MOB1A: variants seen among roughly 807,000 people sequenced by gnomAD.
MOB1A encodes the protein MOB1 Mps One Binder homolog A.
Under a neutral mutation model 25.1 loss-of-function variants are expected in MOB1A, and 10 were observed. The ratio of observed to expected loss-of-function variants is 0.40; its 90% CI spans 0.25 to 0.68. The LOEUF is 0.68. Ranked by LOEUF, MOB1A falls within the 30% of genes least tolerant of loss-of-function variation. The pLI, the probability that MOB1A is intolerant of heterozygous loss-of-function variation, is 0.40. For synonymous variants in MOB1A, 81 were observed against 79.5 expected (o/e 1.02, Z -0.10); for missense variants, 177 against 256.3 (o/e 0.69, Z 2.11).
chr2:74,159,297 A>G (rs756093638), intron 4 of MOB1A, 43 bp from the exon 5 acceptor site: 2 of 1,569,642 alleles, frequency 1.3e-6, no homozygotes, highest in South Asian at 2.2e-5. Flanking sequence ...TGGTTATCTA[A>G]CAGTAGAAAG....
chr2:74,172,560 C>T, intron 2 of MOB1A, 26 bp downstream of exon 2: 4 of 1,589,868 alleles, frequency 2.5e-6, no homozygotes, highest in Non-Finnish European at 3.4e-6. Context: ...TTCTAGAAAA[C>T]AGCAAAGTTA....
chr2:74,159,344 G>T, intron 4 of MOB1A, 90 bp from the exon 5 acceptor site: 1 of 1,174,712 alleles, frequency 8.5e-7, no homozygotes. Flanking sequence ...TTGTCACTCA[G>T]GCAGTGGTGC....
At chr2:74,164,930 G>C (rs1222771895) in intron 4 of MOB1A, 2 of 181,842 alleles carry the variant, frequency 1.1e-5, no homozygotes, top group East Asian at 2.6e-4. Context: ...ACACAAACAG[G>C]GCTGGGGGGA....
rs1350407818 is a variant in MOB1A at position 74,178,704 on chromosome 2, C to A, written c.-30G>T. 7.8e-7 allele frequency: 1 copy of A among 1,280,044 alleles called. No individual in the cohort carries two copies. Among genetic ancestry groups the A allele is most frequent in the East Asian group, 3.1e-5 (1 of 32,318 alleles). The allele number at this position is 1,280,044 out of a possible 1,614,324, so 79.3% of individuals were successfully genotyped here. ...GGTCCTCAGAGGGGAGGCGAGGGGC[C>A]CCTGGCCCCCGCCTGGATCAGGATT... is the stretch of plus-strand genomic sequence containing the variant. On this transcript the variant is annotated 5_prime_UTR_variant, in exon 1 of 6. Transcript: ENST00000396049.
chr2:74,170,412 C>G (rs1187407279), intron 2 of MOB1A, among the ~76,000 whole-genome samples: 2 of 152,098 alleles, frequency 1.3e-5, no homozygotes, highest in Non-Finnish European at 2.9e-5. Flanking sequence ...GCTGGGATTA[C>G]AGGCGTGAGC....
chr2:74,172,863 C>T lies in MOB1A; in HGVS notation c.15-111G>A, dbSNP rs1027059616. On this transcript the variant is annotated intron_variant, in intron 1 of 5. Transcript: ENST00000396049. ...GCCTGTAAAAATAAAATAAAAAATA[C>T]TCTCTGGGCCAGGCATGGTGGCTCA... 6.8e-6 allele frequency: 8 copies of T among 1,175,710 alleles called. No individual in the cohort carries two copies. The East Asian group carries it at 1.8e-4, about 26-fold the overall frequency. The allele number at this position is 1,175,710 out of a possible 1,614,324, so 72.8% of individuals were successfully genotyped here. A position where few individuals can be genotyped will look rare whatever the true frequency, so the allele number is the denominator to read the frequency against.
At chr2:74,176,593 T>A (rs1339275885) in intron 1 of MOB1A, among the ~76,000 whole-genome samples, 1 of 151,398 alleles carries the variant, frequency 6.6e-6, no homozygotes, top group Non-Finnish European at 1.5e-5. Context: ...TGAAACCCCG[T>A]CTCTACTAAA....
At chr2:74,161,854 G>GAGTA (rs1692982931) in intron 4 of MOB1A, among the ~76,000 whole-genome samples, 1 of 151,792 alleles carries the variant, frequency 6.6e-6, no homozygotes, top group Non-Finnish European at 1.5e-5. Flanking sequence ...CTACTCAAGT[G>GAGTA]GCTGATGTAG....
intron 4 of MOB1A, among the ~76,000 whole-genome samples, chr2:74,160,218 C>T (rs982477035): frequency 2.0e-5 from 3 of 152,104 alleles, no homozygotes; most frequent in Non-Finnish European, 4.4e-5. Context: ...TGTGGTGGCT[C>T]GTGCCTGTAA....
intron 1 of MOB1A, among the ~76,000 whole-genome samples, chr2:74,173,582 A>G (rs1423049798): frequency 6.7e-6 from 1 of 150,160 alleles, no homozygotes; most frequent in Non-Finnish European, 1.5e-5. Flanking sequence ...GGATTTTGCC[A>G]TGTTTGCCAG....
At chr2:74,175,793 A>G (rs1693436198) in intron 1 of MOB1A, among the ~76,000 whole-genome samples, 1 of 152,180 alleles carries the variant, frequency 6.6e-6, no homozygotes, top group Non-Finnish European at 1.5e-5. Context: ...AACATAATAC[A>G]CAACCAAACG....
intron 2 of MOB1A, among the ~76,000 whole-genome samples, chr2:74,170,460 GTTT>G (rs1388256926): frequency 6.6e-6 from 1 of 150,942 alleles, no homozygotes; most frequent in Non-Finnish European, 1.5e-5. Context: ...TTTAAAAAAG[GTTT>G]TTTTTTGGCT....
chr2:74,172,812 C>T lies in MOB1A; in HGVS notation c.15-60G>A, dbSNP rs748633501. The T allele has an allele frequency of 4.6e-6, 7 of 1,513,350 alleles. No individual in the cohort carries two copies. The African/African-American group carries it at 9.7e-5, about 21-fold the overall frequency. The allele number at this position is 1,513,350 out of a possible 1,614,324, so 93.7% of individuals were successfully genotyped here. A position where few individuals can be genotyped will look rare whatever the true frequency, so the allele number is the denominator to read the frequency against. On this transcript the variant is annotated intron_variant, in intron 1 of 5. Transcript: ENST00000396049. ...AAGACTGGAAGTAGAACAGGTAGAA[C>T]AACATAATTTTAGGTATATAAAGTA... is the stretch of plus-strand genomic sequence containing the variant.
intron 2 of MOB1A, among the ~76,000 whole-genome samples, chr2:74,169,013 G>A (rs1693208986): frequency 1.3e-5 from 2 of 152,176 alleles, no homozygotes; most frequent in South Asian, 4.1e-4. Flanking sequence ...GAGGCTCCAT[G>A]ATGTGTAATA....
Position 74,178,774 on chromosome 2 carries a change from C to A in MOB1A, c.-100G>T. The A allele has an allele frequency of 8.6e-6, 3 of 347,220 alleles. No individual in the cohort carries two copies. The highest frequency in any genetic ancestry group is 9.1e-6 in the Non-Finnish European group (2 of 220,286). The allele number at this position is 347,220 out of a possible 1,614,324, so 21.5% of individuals were successfully genotyped here. On this transcript the variant is annotated 5_prime_UTR_variant, in exon 1 of 6. Coordinates refer to ENST00000396049, the MANE Select transcript of MOB1A (RefSeq NM_018221.5). ...CGGACCGTCCTTAGCTCACGGGCAG[C>A]GGAAGCCGGGCCGCCGCCGCTCGGA...
At chr2:74,167,525 G>C (rs1049348098) in intron 2 of MOB1A, among the ~76,000 whole-genome samples, 14 of 152,134 alleles carry the variant, frequency 9.2e-5, no homozygotes, top group African/African-American at 3.4e-4. Context: ...TAAGATACTG[G>C]AGATAATTCT....
chr2:74,163,123 CG>C (rs1441472266), intron 4 of MOB1A, among the ~76,000 whole-genome samples: 2 of 152,128 alleles, frequency 1.3e-5, no homozygotes, highest in African/African-American at 2.4e-5. Flanking sequence ...AGGCAAGAAA[CG>C]GATGTCTGCC....
rs978362375 is a variant in MOB1A at position 74,168,473 on chromosome 2, T to A, written c.182-1366A>T. On this transcript the variant is annotated intron_variant, in intron 2 of 5. Coordinates refer to ENST00000396049, the MANE Select transcript of MOB1A (RefSeq NM_018221.5). ...TGGGCAACACAGCTAGACCCCGGTC[T>A]CTATTGAAAATTTTAAAAAATTAGT... is the stretch of plus-strand genomic sequence containing the variant. Among the ~76,000 whole-genome samples the A allele has an allele frequency of 2.0e-5, 3 of 152,110 alleles. No individual in the cohort carries two copies. The East Asian group carries it at 5.8e-4, about 29-fold the overall frequency.
At chr2:74,176,132 C>T (rs1278209098) in intron 1 of MOB1A, among the ~76,000 whole-genome samples, 6 of 134,180 alleles carry the variant, frequency 4.5e-5, no homozygotes, top group South Asian at 4.9e-4. Context: ...ACAAACTAGC[C>T]GGGCGTGGTG....
Sources: gnomAD v4.1 joint callset for allele counts (sites outside exome capture counted in the v4.1 genomes callset) on GRCh38, gnomAD v4.1.1 for gene constraint, MANE v1.5 for transcripts, NCBI Gene and HGNC (gene_info 2026-07-23, HGNC 2026-07-21) for gene names.